The following CNKSR3 variants were observed in gnomAD, a reference collection of about 807,000 sequenced individuals.
The protein encoded by CNKSR3 is CNKSR family member 3.
A neutral mutation model predicts 67.7 loss-of-function variants in CNKSR3; 36 were observed. The ratio of observed to expected loss-of-function variants is 0.53; its 90% CI spans 0.41 to 0.70. The LOEUF is 0.70. Ranked by LOEUF, CNKSR3 falls within the 30% of genes least tolerant of loss-of-function variation. The pLI, the probability that CNKSR3 is intolerant of heterozygous loss-of-function variation, is 0.00. For synonymous variants in CNKSR3, 281 were observed against 271.4 expected (o/e 1.04, Z -0.35); for missense variants, 630 against 695.2 (o/e 0.91, Z 1.05).
chr6:154,429,204 A>G (rs1785315545), intron 6 of CNKSR3, among the ~76,000 whole-genome samples: 1 of 152,108 alleles, frequency 6.6e-6, no homozygotes, highest in African/African-American at 2.4e-5. Context: ...ACCAGGTAAA[A>G]AGTAGTTGCT....
At chr6:154,464,774 TA>T (rs1187651675) in intron 1 of CNKSR3, among the ~76,000 whole-genome samples, 1 of 151,304 alleles carries the variant, frequency 6.6e-6, no homozygotes, top group Non-Finnish European at 1.5e-5. Context: ...TAGTGAGCCA[TA>T]AAGCCCAGGC....
intron 12 of CNKSR3, among the ~76,000 whole-genome samples, chr6:154,407,872 G>GGAA (rs776935207): frequency 1.5e-5 from 1 of 68,662 alleles, no homozygotes; most frequent in East Asian, 5.0e-4. Flanking sequence ...TTTAGAATTT[G>GGAA]AAAAAAAAAA....
At position 154,428,608 on chromosome 6, in the gene CNKSR3, C is replaced by A. The variant is rs117855195; in HGVS notation, c.670-421G>T. Among the ~76,000 whole-genome samples the A allele has an allele frequency of 1.6e-3, 246 of 152,258 alleles. 2 individuals carry two copies. In the East Asian group the frequency reaches 0.043, roughly 26 times the overall value. On this transcript the variant is annotated intron_variant, in intron 6 of 12. Transcript: ENST00000607772. ...ACACAGCTCACTGTAACCTTGAACT[C>A]CTGGGCTCAAGTGATCCTCTCACCT...
intron 2 of CNKSR3, among the ~76,000 whole-genome samples, chr6:154,447,445 C>G (rs1444001655): frequency 6.6e-6 from 1 of 152,108 alleles, no homozygotes; most frequent in African/African-American, 2.4e-5. Flanking sequence ...GGTACAGATT[C>G]TAATTCAATC....
At chr6:154,427,693 T>A (rs1785283223) in intron 7 of CNKSR3, among the ~76,000 whole-genome samples, 1 of 152,126 alleles carries the variant, frequency 6.6e-6, no homozygotes, top group Admixed American at 6.5e-5. Context: ...GAAACACAAC[T>A]ATAAAAATAT....
rs981004399 is a variant in CNKSR3 at position 154,401,500 on chromosome 6, G to A, written c.*4854C>T. The A allele has an allele frequency of 1.3e-5, 2 of 152,588 alleles. No homozygotes were observed. The highest frequency in any genetic ancestry group is 4.8e-5 in the African/African-American group (2 of 41,458). 9.5% of individuals were successfully genotyped at this position (152,588 alleles called of 1,614,324 possible). On this transcript the variant is annotated 3_prime_UTR_variant, in exon 13 of 13. Coordinates refer to ENST00000607772, the MANE Select transcript of CNKSR3 (RefSeq NM_173515.4). The stretch of plus-strand genomic sequence containing the variant: ...ATTTCTGTCATTTAAGCTACCCAGT[G>A]TATGGTATTTTGTTATTGCAGCCTG...
intron 1 of CNKSR3, among the ~76,000 whole-genome samples, chr6:154,451,515 GCA>G (rs1415520917): frequency 9.0e-6 from 1 of 110,606 alleles, no homozygotes; most frequent in Non-Finnish European, 1.8e-5. Flanking sequence ...ACACACACGC[GCA>G]CACTCGTGCA....
intron 9 of CNKSR3, among the ~76,000 whole-genome samples, chr6:154,421,987 C>CT (rs34269095): frequency 0.1 from 13,252 of 127,220 alleles, 1,602 homozygotes; most frequent in African/African-American, 0.29. Flanking sequence ...TCATTTCATT[C>CT]TTTTTTTTTT....
intron 1 of CNKSR3, among the ~76,000 whole-genome samples, chr6:154,493,089 G>A (rs1386528221): frequency 6.6e-6 from 1 of 152,104 alleles, no homozygotes; most frequent in African/African-American, 2.4e-5. Context: ...AACACTGACT[G>A]TAAGCCAAAG....
chr6:154,494,858 A>T (rs1786847633), intron 1 of CNKSR3, among the ~76,000 whole-genome samples: 1 of 151,896 alleles, frequency 6.6e-6, no homozygotes, highest in African/African-American at 2.4e-5. Flanking sequence ...GCAGCCAGTT[A>T]TGTTAGCCAG....
intron 1 of CNKSR3, among the ~76,000 whole-genome samples, chr6:154,470,188 C>CCT (rs1786295381): frequency 1.2e-4 from 8 of 68,724 alleles, no homozygotes; most frequent in Non-Finnish European, 2.1e-4. Context: ...ACTTTCTTTC[C>CCT]TTTTTTTTTT....
In CNKSR3 at chr6:154,391,725, A is replaced by G. The variant is rs1037279205; in HGVS notation, c.*14629T>C. On this transcript the variant is annotated 3_prime_UTR_variant, in exon 13 of 13. Coordinates refer to ENST00000607772, the MANE Select transcript of CNKSR3 (RefSeq NM_173515.4). ...GCTTGTATCTTCCAAATAAAACACC[A>G]ATAGTTTCATCCTTGACACCAGCTC... The G allele has an allele frequency of 7.9e-5, 12 of 152,138 alleles. No homozygotes were observed. Among genetic ancestry groups the G allele is most frequent in the Admixed American group, 2.6e-4 (4 of 15,266 alleles). The allele number at this position is 152,138 out of a possible 1,614,324, so 9.4% of individuals were successfully genotyped here. A position where few individuals can be genotyped will look rare whatever the true frequency, so the allele number is the denominator to read the frequency against.
intron 1 of CNKSR3, among the ~76,000 whole-genome samples, chr6:154,452,889 T>A (rs759588396): frequency 6.6e-6 from 1 of 152,244 alleles, no homozygotes; most frequent in Non-Finnish European, 1.5e-5. Flanking sequence ...GACACCTCGA[T>A]CTCAGACTTC....
chr6:154,404,443 T>C lies in CNKSR3; in HGVS notation c.*1911A>G, dbSNP rs1324580702. On this transcript the variant is annotated 3_prime_UTR_variant, in exon 13 of 13. Transcript: ENST00000607772. ...CTGACCCCAGGTAATCCACCCACCT[T>C]GGCCCCCCAAAGTTCTGGAATTACA... 1 of 151,878 alleles carries C rather than the reference T, an allele frequency of 6.6e-6. No homozygotes were observed. Among genetic ancestry groups the C allele is most frequent in the Non-Finnish European group, 1.5e-5 (1 of 68,082 alleles). The allele number at this position is 151,878 out of a possible 1,614,324, so 9.4% of individuals were successfully genotyped here. A position where few individuals can be genotyped will look rare whatever the true frequency, so the allele number is the denominator to read the frequency against.
intron 9 of CNKSR3, among the ~76,000 whole-genome samples, chr6:154,419,416 A>G (rs531562049): frequency 6.6e-6 from 1 of 152,312 alleles, no homozygotes; most frequent in Non-Finnish European, 1.5e-5. Flanking sequence ...CAGTGTCACT[A>G]ATCATCAGGG....
chr6:154,442,646 A>G (rs767042932), intron 2 of CNKSR3, among the ~76,000 whole-genome samples: 1 of 151,922 alleles, frequency 6.6e-6, no homozygotes, highest in Non-Finnish European at 1.5e-5. Flanking sequence ...ACAATAAACA[A>G]ACACCAATAT....
chr6:154,392,436 G>A lies in CNKSR3; in HGVS notation c.*13918C>T. 1 of 152,338 alleles carries A rather than the reference G, an allele frequency of 6.6e-6. No homozygotes were observed. The highest frequency in any genetic ancestry group is 1.5e-5 in the Non-Finnish European group (1 of 68,052). 9.4% of individuals were successfully genotyped at this position (152,338 alleles called of 1,614,324 possible). On this transcript the variant is annotated 3_prime_UTR_variant, in exon 13 of 13. Coordinates refer to ENST00000607772, the MANE Select transcript of CNKSR3 (RefSeq NM_173515.4). ...AGATGGCCAAACAGCACACATAACA[G>A]GCACCCTAGAGACCCTCTGCTGGGG...
chr6:154,447,083 C>A (rs1357066844), intron 2 of CNKSR3, among the ~76,000 whole-genome samples: 1 of 152,138 alleles, frequency 6.6e-6, no homozygotes, highest in Non-Finnish European at 1.5e-5. Flanking sequence ...AGATTACAGG[C>A]GTGATGGGAT....
At chr6:154,434,996 CT>C (rs367990649) in intron 4 of CNKSR3, among the ~76,000 whole-genome samples, 1,015 of 136,638 alleles carry the variant, frequency 7.4e-3, no homozygotes, top group Middle Eastern at 0.016. Context: ...CTACAAATTC[CT>C]TTTTTTTTTT....
Sources: allele counts gnomAD v4.1 joint callset (sites outside exome capture counted in the v4.1 genomes callset), GRCh38; gene constraint gnomAD v4.1.1; transcripts MANE v1.5; gene names NCBI Gene and HGNC (gene_info 2026-07-23, HGNC 2026-07-21).